The following CFAP410 variants were observed in gnomAD, a reference collection of about 807,000 sequenced individuals.
CFAP410 encodes the protein cilia- and flagella-associated protein 410.
In CFAP410, 27 loss-of-function variants were observed where a neutral mutation model predicts 25.7. That is an observed-to-expected ratio of 1.05 (90% CI 0.77 to 1.45). CFAP410 has a LOEUF of 1.45. CFAP410 is among the 40% of genes most tolerant of loss of function. The pLI is 0.00. For missense variants in CFAP410, 428 were observed against 354.1 expected (o/e 1.21, Z -1.67); for synonymous variants, 178 against 158.4 (o/e 1.12, Z -0.93).
In CFAP410 at chr21:44,339,142, T is replaced by G; in HGVS notation, c.53A>C (p.His18Pro). The G allele has an allele frequency of 6.8e-7, 1 of 1,470,998 alleles. No individual in the cohort carries two copies. The highest frequency in any genetic ancestry group is 9.0e-7 in the Non-Finnish European group (1 of 1,107,402). 91.1% of individuals were successfully genotyped at this position (1,470,998 alleles called of 1,614,324 possible). ...CCAGCAGTTGAGCTTGCGCACGCTG[T>G]GCAGCTCCGAGGCCTTGGCCCGGGT... ...VLTRAKASEL[H>P]SVRKLNCWGS... The change falls in exon 1 of 7, where the codon CAC becomes CCC. Residue 18 changes from histidine (H) to proline (P), a missense_variant. By Grantham distance (77) the His-to-Pro change is moderately conservative (BLOSUM62 -2). Transcript: ENST00000339818.
At position 44,330,216 on chromosome 21, in the gene CFAP410, C is replaced by T. The variant is rs758391072; in HGVS notation, c.753G>A (p.Val251=). The change falls in exon 7 of 7, where the codon GTG becomes GTA. Residue 251 remains valine, a synonymous_variant. Coordinates refer to ENST00000339818, the MANE Select transcript of CFAP410 (RefSeq NM_004928.3). ...CCTGCGGTCACTCGGCGTGCTCCTG[C>T]ACCTCTTCCCCACGCAGGGCCTGCA... is the stretch of plus-strand genomic sequence containing the variant. ...SRLQALRGEE[V]QEHAE is the part of the protein sequence containing the mutation. The T allele has an allele frequency of 1.9e-6, 3 of 1,576,364 alleles. No individual in the cohort carries two copies. The highest frequency in any genetic ancestry group is 2.3e-5 in the East Asian group (1 of 43,196).
Position 44,339,129 on chromosome 21 carries a change from C to T in CFAP410, c.66G>A (p.Lys22=). The T allele has an allele frequency of 6.8e-7, 1 of 1,460,804 alleles. No individual in the cohort carries two copies. Among genetic ancestry groups the T allele is most frequent in the Non-Finnish European group, 9.1e-7 (1 of 1,101,224 alleles). The allele number at this position is 1,460,804 out of a possible 1,614,324, so 90.5% of individuals were successfully genotyped here. The change falls in exon 1 of 7, where the codon AAG becomes AAA. Residue 22 remains lysine (K), a synonymous_variant. Transcript: ENST00000339818. ...AGGCCCCGCCTCACCAGCAGTTGAG[C>T]TTGCGCACGCTGTGCAGCTCCGAGG... ...AKASELHSVR[K]LNCWGSRLTD...
chr21:44,332,273 A>C, intron 4 of CFAP410: 1 of 430,388 alleles, frequency 2.3e-6, no homozygotes, highest in Non-Finnish European at 4.1e-6. Flanking sequence ...AGAAGCAAAT[A>C]CTCCTCAAAA....
At position 44,333,178 on chromosome 21, in the gene CFAP410, G is replaced by T; in HGVS notation, c.228C>A (p.Ser76Arg). ...CCTTCAGGTAGAAGAGCTCAGCCAG[G>T]CTGGGGATGCGGTTCCTCCGCAGGT... ...ELYLRRNRIP[S>R]LAELFYLKGL... Residue 76 changes from serine (S) to arginine (R), a missense_variant, in exon 4 of 7, where the codon AGC becomes AGA. Physicochemically the swap from Ser to Arg is moderately radical, Grantham distance 110 (BLOSUM62 -1). Transcript: ENST00000339818. 1 of 1,612,928 alleles carries T rather than the reference G, an allele frequency of 6.2e-7. No individual in the cohort carries two copies. The highest frequency in any genetic ancestry group is 8.5e-7 in the Non-Finnish European group (1 of 1,179,954).
In CFAP410 at chr21:44,333,580, A is replaced by T. The variant is rs1368327356; in HGVS notation, c.144-318T>A. 1.5e-5 allele frequency: 7 copies of T among 480,460 alleles called. No homozygotes were observed. The Admixed American group carries it at 1.8e-4, about 12-fold the overall frequency. The allele number at this position is 480,460 out of a possible 1,614,324, so 29.8% of individuals were successfully genotyped here. On this transcript the variant is annotated intron_variant, in intron 3 of 6. Coordinates refer to ENST00000339818, the MANE Select transcript of CFAP410 (RefSeq NM_004928.3). Reference sequence around the variant, plus strand: ...ATGTGGCCCTCCTTCACAGGTGAGGAAAATTAAGGCCTCTCAGGGGACATA... The same window carrying T: ...ATGTGGCCCTCCTTCACAGGTGAGGTAAATTAAGGCCTCTCAGGGGACATA...
At position 44,337,171 on chromosome 21, in the gene CFAP410, A is replaced by G. The variant is rs139415625; in HGVS notation, c.96+478T>C. Among the ~76,000 whole-genome samples, 310 of 152,086 alleles carry G rather than the reference A, an allele frequency of 2.0e-3. 1 individual carries two copies. Among genetic ancestry groups the G allele is most frequent in the African/African-American group, 7.2e-3 (299 of 41,466 alleles). On this transcript the variant is annotated intron_variant, in intron 2 of 6. Transcript: ENST00000339818. The stretch of plus-strand genomic sequence containing the variant: ...TGGACTGAGAAAGACAATGAGGGAG[A>G]GAAGAAAAAAATCTTTCACAGACGC...
At chr21:44,338,376 T>C in intron 1 of CFAP410, 1 of 1,164,352 alleles carries the variant, frequency 8.6e-7, no homozygotes, top group Non-Finnish European at 1.1e-6. Flanking sequence ...AGGCCTCAAC[T>C]CCAGGCTCCC....
intron 1 of CFAP410, among the ~76,000 whole-genome samples, chr21:44,337,997 T>C (rs1426330696): frequency 6.6e-6 from 1 of 152,160 alleles, no homozygotes; most frequent in Non-Finnish European, 1.5e-5. Context: ...CTGACAGACA[T>C]AAACAAGGGC....
At chr21:44,334,470 C>CTGG (rs2047710556) in intron 3 of CFAP410, 8 of 336,188 alleles carry the variant, frequency 2.4e-5, no homozygotes, top group South Asian at 1.8e-4. Context: ...AAACGAGCCC[C>CTGG]GCGGCAGGCA....
At chr21:44,336,385 G>A (rs2047756910) in intron 2 of CFAP410, among the ~76,000 whole-genome samples, 1 of 152,192 alleles carries the variant, frequency 6.6e-6, no homozygotes, top group Non-Finnish European at 1.5e-5. Context: ...TGTCCCCTAC[G>A]CAGGGATAGA....
chr21:44,330,299 G>T lies in CFAP410; in HGVS notation c.670C>A (p.Leu224Met). Reference sequence around the variant, plus strand: ...AGCCCCTCTGCATCCAGCTCCCGCAGCAGCAGCAGGATGGCAGTCAGGACG... The same window carrying T: ...AGCCCCTCTGCATCCAGCTCCCGCATCAGCAGCAGGATGGCAGTCAGGACG... ...RNVLTAILLLLRELDAEGLEA... is the reference protein window; with the variant it reads ...RNVLTAILLLMRELDAEGLEA... The change falls in exon 7 of 7, where the codon CTG (leucine) becomes ATG (methionine). Residue 224 changes from leucine (L) to methionine (M), a missense_variant. Coordinates refer to ENST00000339818, the MANE Select transcript of CFAP410 (RefSeq NM_004928.3). 1 of 1,610,866 alleles carries T rather than the reference G, an allele frequency of 6.2e-7. No individual in the cohort carries two copies. Among genetic ancestry groups the T allele is most frequent in the Non-Finnish European group, 8.5e-7 (1 of 1,179,208 alleles).
Position 44,330,095 on chromosome 21 carries a change from G to C in CFAP410, c.*103C>G, listed in dbSNP as rs1056865687. On this transcript the variant is annotated 3_prime_UTR_variant, in exon 7 of 7. Coordinates refer to ENST00000339818, the MANE Select transcript of CFAP410 (RefSeq NM_004928.3). ...TGTGGCAAACCGGGGAGGCTTTTGT[G>C]TGGGGCCGGGGCTGCGGCCATGGCA... 2 of 1,343,694 alleles carry C rather than the reference G, an allele frequency of 1.5e-6. No individual in the cohort carries two copies. Among genetic ancestry groups the C allele is most frequent in the Admixed American group, 4.4e-5 (2 of 45,106 alleles). 83.2% of individuals were successfully genotyped at this position (1,343,694 alleles called of 1,614,324 possible).
intron 6 of CFAP410, 69 bp downstream of exon 6, chr21:44,330,754 C>T: frequency 3.9e-6 from 6 of 1,551,656 alleles, no homozygotes; most frequent in Non-Finnish European, 5.2e-6. Flanking sequence ...CATGCTCCCT[C>T]CCCACGGTTT....
chr21:44,333,850 A>G (rs983332783), intron 3 of CFAP410: 13 of 352,280 alleles, frequency 3.7e-5, no homozygotes, highest in Non-Finnish European at 5.6e-5. Flanking sequence ...ACAAGCGAAC[A>G]CGCGGAGCCG....
chr21:44,337,642 T>C lies in CFAP410; in HGVS notation c.96+7A>G, dbSNP rs565055033. 13 of 1,612,088 alleles carry C rather than the reference T, an allele frequency of 8.1e-6. 1 individual carries two copies. The highest frequency in any genetic ancestry group is 7.7e-5 in the South Asian group (7 of 90,868). On this transcript the variant is annotated splice_region_variant and intron_variant, in intron 2 of 6. Transcript: ENST00000339818. ...TGCAATACTTACATCTGTGAGGCAATACTTACATCTGTGAGGCGGCTGCCC... is the reference window on the plus strand; with the variant it reads ...TGCAATACTTACATCTGTGAGGCAACACTTACATCTGTGAGGCGGCTGCCC...
chr21:44,331,719 C>T, intron 5 of CFAP410, 124 bp downstream of exon 5: 1 of 882,484 alleles, frequency 1.1e-6, no homozygotes, highest in South Asian at 1.7e-5. Context: ...AGACACTCCC[C>T]CCGGATAATC....
Position 44,330,825 on chromosome 21 carries a change from T to G in CFAP410, c.640A>C (p.Arg214=), listed in dbSNP as rs765936698. The change falls in exon 6 of 7, where the codon AGG becomes CGG. Residue 214 remains arginine (R), a splice_region_variant and synonymous_variant. Transcript: ENST00000339818. ...ARDASSSHRG[R]NVLTAILLLL... ...GCCCCTAGCGGCCCGCCACTCACCC[T>G]GCCCCTGTGGCTGCTCGAGGCATCC... is the stretch of plus-strand genomic sequence containing the variant. 3.8e-6 allele frequency: 6 copies of G among 1,599,692 alleles called. No individual in the cohort carries two copies.
chr21:44,338,209 T>G (rs761434168), intron 1 of CFAP410: 2 of 1,150,122 alleles, frequency 1.7e-6, no homozygotes, highest in Non-Finnish European at 2.2e-6. Flanking sequence ...GAGAAAAGCT[T>G]TTTAATTAAC....
In CFAP410 at chr21:44,331,969, T is replaced by G; in HGVS notation, c.419A>C (p.Glu140Ala). ...CTCTCTCTCTGGGGCCGCAGTGATCTCCTCTCCCTCACTCAGTGCACGGGA... is the reference window on the plus strand; with the variant it reads ...CTCTCTCTCTGGGGCCGCAGTGATCGCCTCTCCCTCACTCAGTGCACGGGA... The part of the protein sequence containing the change: ...ELSRALSEGE[E>A]ITAAPEREGT... Residue 140 changes from glutamate (E) to alanine (A), a missense_variant, in exon 5 of 7, where the codon GAG (glutamate) becomes GCG (alanine). Coordinates refer to ENST00000339818, the MANE Select transcript of CFAP410 (RefSeq NM_004928.3). 6.2e-7 allele frequency: 1 copy of G among 1,612,906 alleles called. No homozygotes were observed. Among genetic ancestry groups the G allele is most frequent in the South Asian group, 1.1e-5 (1 of 90,990 alleles).
Sources: gnomAD v4.1 joint callset for allele counts (sites outside exome capture counted in the v4.1 genomes callset) on GRCh38, gnomAD v4.1.1 for gene constraint, MANE v1.5 for transcripts, NCBI Gene and HGNC (gene_info 2026-07-23, HGNC 2026-07-21) for gene names.